The following MZT2A variants were observed in gnomAD, a reference collection of about 807,000 sequenced individuals.
MZT2A encodes mitotic-spindle organizing protein 2A.
In MZT2A, 8 loss-of-function variants were observed where a neutral mutation model predicts 12.4. That is an observed-to-expected ratio of 0.64 (90% CI 0.38 to 1.16). MZT2A has a LOEUF of 1.16. Ranked by LOEUF, MZT2A falls within the 50% of genes most tolerant of loss-of-function variation. The probability of loss-of-function intolerance (pLI) is 0.01; values close to 1 mark genes in which losing one functional copy is unlikely to be tolerated. For synonymous variants in MZT2A, 88 were observed against 107.5 expected, an observed-to-expected ratio of 0.82 and a Z score of 1.12; for missense variants, 181 against 223.6, an observed-to-expected ratio of 0.81 and a Z score of 1.22.
upstream of MZT2A, chr2:131,492,896 G>A (rs1679406813): frequency 1.3e-6 from 2 of 1,508,648 alleles, no homozygotes; most frequent in African/African-American, 1.4e-5. Context: ...CAACGCAGGC[G>A]CATTCAGCTA....
At chr2:131,487,553 C>T (rs13382477) in intron 2 of MZT2A, among the ~76,000 whole-genome samples, 23,928 of 151,548 alleles carry the variant, frequency 0.16, 2,330 homozygotes, top group African/African-American at 0.38. Context: ...AAATATCCAA[C>T]GTATTATTTC....
chr2:131,488,187 G>A lies in MZT2A; in HGVS notation c.319+3689C>T, dbSNP rs376530172. On this transcript the variant is annotated intron_variant, in intron 2 of 2. Coordinates refer to ENST00000309451, the MANE Select transcript of MZT2A (RefSeq NM_001085365.2). ...GACTCACGGCTTCCACACTCCAAAC[G>A]TCATCTTACACGCATGCTCTGGACA... Among the ~76,000 whole-genome samples the A allele has an allele frequency of 1.6e-4, 25 of 152,160 alleles. 1 individual carries two copies. The highest frequency in any genetic ancestry group is 5.6e-4 in the African/African-American group (23 of 41,428).
At chr2:131,476,323 C>G in intron 2 of MZT2A, 1 of 1,548,854 alleles carries the variant, frequency 6.5e-7, no homozygotes, top group Non-Finnish European at 8.8e-7. Context: ...GACGCAGGGT[C>G]TAGTGCGGGA....
intron 2 of MZT2A, among the ~76,000 whole-genome samples, chr2:131,487,988 A>C (rs1376131658): frequency 2.0e-5 from 3 of 152,178 alleles, no homozygotes; most frequent in Non-Finnish European, 4.4e-5. Flanking sequence ...GCTAGTCCTG[A>C]ACTGCTGAGC....
intron 2 of MZT2A, chr2:131,486,389 A>C (rs992919754): frequency 3.7e-5 from 6 of 162,104 alleles, no homozygotes; most frequent in Non-Finnish European, 8.8e-5. Flanking sequence ...CCAGACAGTC[A>C]GATCTTCTGT....
At chr2:131,489,201 CT>C (rs397873005) in intron 2 of MZT2A, among the ~76,000 whole-genome samples, 171 of 145,464 alleles carry the variant, frequency 1.2e-3, no homozygotes, top group Non-Finnish European at 1.3e-3. Flanking sequence ...CCTTTCTTTT[CT>C]TTTTTTTTTT....
chr2:131,482,224 T>C (rs1414401581), downstream of MZT2A, among the ~76,000 whole-genome samples: 1 of 152,182 alleles, frequency 6.6e-6, no homozygotes, highest in Non-Finnish European at 1.5e-5. Flanking sequence ...CAGAATTTAA[T>C]TGTAATCTAC....
intron 2 of MZT2A, among the ~76,000 whole-genome samples, chr2:131,472,437 C>T (rs1330726281): frequency 6.6e-6 from 1 of 152,174 alleles, no homozygotes; most frequent in Non-Finnish European, 1.5e-5. Context: ...TTGTCATTTA[C>T]AGTAGAATAA....
At chr2:131,478,344 G>A (rs1167376558) in intron 2 of MZT2A, 1 of 1,613,960 alleles carries the variant, frequency 6.2e-7, no homozygotes, top group Non-Finnish European at 8.5e-7. Flanking sequence ...TGGCAAGCAC[G>A]TGCCCAGAGC....
At chr2:131,484,338 C>T in intron 2 of MZT2A, 120 bp from the exon 3 acceptor site, 2 of 1,452,080 alleles carry the variant, frequency 1.4e-6, no homozygotes, top group Non-Finnish European at 1.8e-6. Context: ...GTCGCTTCAG[C>T]TAGAGGCCCT....
intron 2 of MZT2A, among the ~76,000 whole-genome samples, chr2:131,486,866 A>T (rs904465597): frequency 8.5e-5 from 13 of 152,114 alleles, no homozygotes; most frequent in Non-Finnish European, 1.5e-4. Context: ...GCCATAACTG[A>T]TATTAAGAAA....
chr2:131,478,165 G>A lies in MZT2A; in HGVS notation c.279-5983C>T, dbSNP rs771001531. The A allele has an allele frequency of 1.1e-5, 17 of 1,612,284 alleles. No homozygotes were observed. In the Admixed American group the frequency reaches 1.7e-4, roughly 16 times the overall value. ...TCACTTTTATGTTCCTGTTCACAGC[G>A]CGAGTGTATCTCTATCCACGTGGGG... On this transcript the variant is annotated intron_variant and NMD_transcript_variant, in intron 2 of 4. Transcript: ENST00000427024.
chr2:131,481,171 T>C (rs1362630999), downstream of MZT2A, among the ~76,000 whole-genome samples: 10 of 152,104 alleles, frequency 6.6e-5, no homozygotes, highest in Admixed American at 6.6e-4. Context: ...CCCAAAGTGC[T>C]GGGATTACAG....
intron 2 of MZT2A, 69 bp from the exon 3 acceptor site, chr2:131,484,287 T>C: frequency 6.3e-7 from 1 of 1,580,836 alleles, no homozygotes; most frequent in Non-Finnish European, 8.6e-7. Flanking sequence ...GCTGTACTCG[T>C]GCTCCTTGGG....
chr2:131,481,008 A>G (rs1344708551), downstream of MZT2A, among the ~76,000 whole-genome samples: 4 of 151,792 alleles, frequency 2.6e-5, no homozygotes, highest in Non-Finnish European at 4.4e-5. Context: ...GGTTCAAACA[A>G]TTCTCTGGCC....
At chr2:131,490,915 A>G (rs1225918909) in intron 2 of MZT2A, 1 of 1,549,702 alleles carries the variant, frequency 6.5e-7, no homozygotes, top group Non-Finnish European at 8.7e-7. Context: ...GAGAGACACA[A>G]AGAGAGCAGA....
At chr2:131,490,426 T>C (rs1218098033) in intron 2 of MZT2A, 11 of 1,271,004 alleles carry the variant, frequency 8.7e-6, no homozygotes, top group Non-Finnish European at 1.1e-5. Flanking sequence ...GCTGGCTGTC[T>C]TCCCCTGGAG....
At chr2:131,488,617 A>G (rs951266415) in intron 2 of MZT2A, among the ~76,000 whole-genome samples, 1 of 151,214 alleles carries the variant, frequency 6.6e-6, no homozygotes, top group African/African-American at 2.4e-5. Flanking sequence ...GGGCAGCTGG[A>G]GCTCTGTGTG....
upstream of MZT2A, chr2:131,492,962 C>T (rs569911473): frequency 1.3e-5 from 20 of 1,524,846 alleles, no homozygotes; most frequent in African/African-American, 2.8e-5. Context: ...CCTGGCCGGC[C>T]GGCCGGCCTT....
Sources: gnomAD v4.1 joint callset for allele counts (sites outside exome capture counted in the v4.1 genomes callset) on GRCh38, gnomAD v4.1.1 for gene constraint, MANE v1.5 for transcripts, NCBI Gene and HGNC (gene_info 2026-07-23, HGNC 2026-07-21) for gene names.